DNAH12: variants seen among roughly 807,000 people sequenced by gnomAD.
The protein encoded by DNAH12 is axonemal beta dynein heavy chain 12.
DNAH12 carries 285 observed loss-of-function variants against 371.5 expected under a neutral mutation model. The observed-to-expected ratio is 0.77, with a 90% CI of 0.70 to 0.85. The LOEUF (loss-of-function observed/expected upper bound fraction) is 0.85, where lower values mean the gene tolerates loss of function less well. Ranked by LOEUF, DNAH12 falls within the 40% of genes least tolerant of loss-of-function variation. The pLI is 0.00. For synonymous variants in DNAH12, 1,200 were observed against 1,213.0 expected (o/e 0.99, Z 0.22); for missense variants, 3,611 against 3,689.4 (o/e 0.98, Z 0.55).
intron 11 of DNAH12, among the ~76,000 whole-genome samples, chr3:57,500,882 A>C (rs2067518438): frequency 6.6e-6 from 1 of 152,134 alleles, no homozygotes; most frequent in South Asian, 2.1e-4. Context: ...CAGCCTCCTG[A>C]GTAAGAAGGA....
At chr3:57,524,770 A>G (rs1380966908) in intron 2 of DNAH12, among the ~76,000 whole-genome samples, 1 of 152,178 alleles carries the variant, frequency 6.6e-6, no homozygotes, top group Non-Finnish European at 1.5e-5. Flanking sequence ...AAAGACCCCA[A>G]GAAACAGGAA....
intron 70 of DNAH12, among the ~76,000 whole-genome samples, chr3:57,301,023 C>T (rs2061332821): frequency 6.6e-6 from 1 of 152,032 alleles, no homozygotes; most frequent in South Asian, 2.1e-4. Context: ...AAACCCAAGC[C>T]TCTGGCCTGT....
intron 68 of DNAH12, 96 bp from the exon 69 acceptor site, chr3:57,309,350 T>C (rs2061539463): frequency 3.1e-6 from 3 of 966,770 alleles, no homozygotes; most frequent in Non-Finnish European, 4.6e-6. Context: ...CTAGGGTGTA[T>C]ATGTACATTA....
chr3:57,363,530 GATCTTAAGATTTCTTAATA>G (rs1327140488), intron 58 of DNAH12, 45 bp downstream of exon 58: 2 of 151,988 alleles, frequency 1.3e-5, no homozygotes, highest in Non-Finnish European at 2.9e-5. Flanking sequence ...AACAAATCAG[GATCTTAAGATTTCTTAATA>G]ATCTTAAGAT....
chr3:57,343,524 C>T (rs574065443), intron 60 of DNAH12, among the ~76,000 whole-genome samples: 2 of 152,366 alleles, frequency 1.3e-5, no homozygotes, highest in South Asian at 2.1e-4. Context: ...GCCGCAGGGG[C>T]CTCTGCCCTT....
At chr3:57,537,204 A>T (rs6777877) in intron 2 of DNAH12, among the ~76,000 whole-genome samples, 127,437 of 152,092 alleles carry the variant, frequency 0.84, 54,060 homozygotes, top group African/African-American at 0.95. Flanking sequence ...AGAAAAAAAA[A>T]AGAGGGGGTG....
intron 41 of DNAH12, among the ~76,000 whole-genome samples, chr3:57,405,375 C>G: frequency 6.6e-6 from 1 of 152,134 alleles, no homozygotes; most frequent in Middle Eastern, 3.4e-3. Context: ...TCATTCTGGG[C>G]GACTCCCATT....
At chr3:57,470,987 G>T (rs1184004267) in intron 15 of DNAH12, among the ~76,000 whole-genome samples, 1 of 152,200 alleles carries the variant, frequency 6.6e-6, no homozygotes, top group African/African-American at 2.4e-5. Flanking sequence ...GATTACAGGA[G>T]TGAGCCACTG....
chr3:57,357,120 G>C (rs2062818589), intron 59 of DNAH12, 56 bp downstream of exon 59: 1 of 152,060 alleles, frequency 6.6e-6, no homozygotes. Context: ...TTTTTAAATG[G>C]AAAGGGCTGT....
intron 40 of DNAH12, among the ~76,000 whole-genome samples, chr3:57,407,331 G>A (rs1202090280): frequency 6.7e-6 from 1 of 149,876 alleles, no homozygotes; most frequent in African/African-American, 2.5e-5. Flanking sequence ...GATGCTTTCT[G>A]TATCCCCTTC....
At chr3:57,382,833 T>C (rs2153343551) in intron 49 of DNAH12, among the ~76,000 whole-genome samples, 1 of 152,314 alleles carries the variant, frequency 6.6e-6, no homozygotes, top group South Asian at 2.1e-4. Context: ...TCTAAAAAGG[T>C]ATATATTGTT....
At chr3:57,465,549 G>A (rs1199646157) in intron 17 of DNAH12, among the ~76,000 whole-genome samples, 1 of 151,758 alleles carries the variant, frequency 6.6e-6, no homozygotes, top group East Asian at 1.9e-4. Flanking sequence ...AAGAGTATTA[G>A]AAAAAAATAT....
intron 58 of DNAH12, among the ~76,000 whole-genome samples, chr3:57,357,666 C>A (rs2062830899): frequency 6.6e-6 from 1 of 152,106 alleles, no homozygotes; most frequent in East Asian, 1.9e-4. Context: ...TTGAGACATA[C>A]CAAATAAGAA....
At chr3:57,504,361 C>T (rs1165573787) in intron 8 of DNAH12, among the ~76,000 whole-genome samples, 157 bp from the exon 9 acceptor site, 4 of 151,896 alleles carry the variant, frequency 2.6e-5, no homozygotes, top group Non-Finnish European at 5.9e-5. Flanking sequence ...ATTCAGCATA[C>T]TATATATATG....
upstream of DNAH12, among the ~76,000 whole-genome samples, chr3:57,545,383 TCCTGA>T (rs2069488254): frequency 6.6e-6 from 1 of 151,602 alleles, no homozygotes; most frequent in Admixed American, 6.6e-5. Flanking sequence ...GGTCTTGAAC[TCCTGA>T]CCTCAGGTCA....
At chr3:57,413,366 C>A (rs1361994886) in intron 39 of DNAH12, among the ~76,000 whole-genome samples, 17 of 152,072 alleles carry the variant, frequency 1.1e-4, no homozygotes, top group African/African-American at 4.1e-4. Flanking sequence ...TAATGATGGA[C>A]ACATATCATA....
intron 13 of DNAH12, among the ~76,000 whole-genome samples, chr3:57,482,948 G>A (rs1369294311): frequency 6.6e-6 from 1 of 150,984 alleles, no homozygotes; most frequent in African/African-American, 2.4e-5. Context: ...GGGAGGGATA[G>A]CATTAGGAGA....
At chr3:57,336,332 A>C (rs1455448944) in intron 60 of DNAH12, among the ~76,000 whole-genome samples, 1 of 152,248 alleles carries the variant, frequency 6.6e-6, no homozygotes, top group Non-Finnish European at 1.5e-5. Flanking sequence ...TTAACTAGCC[A>C]GTAAGAATGT....
At chr3:57,467,560 T>C (rs1034667805) in intron 17 of DNAH12, among the ~76,000 whole-genome samples, 1 of 152,130 alleles carries the variant, frequency 6.6e-6, no homozygotes, top group African/African-American at 2.4e-5. Flanking sequence ...ACTTCAAAGT[T>C]TGGATTATGC....
Sources: allele counts gnomAD v4.1 joint callset (sites outside exome capture counted in the v4.1 genomes callset), GRCh38; gene constraint gnomAD v4.1.1; transcripts MANE v1.5; gene names NCBI Gene and HGNC (gene_info 2026-07-23, HGNC 2026-07-21).